The following DENND4C variants were observed in gnomAD, a reference collection of about 807,000 sequenced individuals.
DENND4C encodes DENN domain-containing protein 4C.
Under a neutral mutation model 203.0 loss-of-function variants are expected in DENND4C, and 108 were observed. The observed-to-expected ratio is 0.53, with a 90% CI of 0.46 to 0.62. The LOEUF is 0.62. DENND4C is among the 20% of genes least tolerant of loss of function. DENND4C has a pLI of 0.00. For missense variants in DENND4C, 2,481 were observed against 2,301.2 expected, an observed-to-expected ratio of 1.08 and a Z score of -1.60; for synonymous variants, 871 against 792.4, an observed-to-expected ratio of 1.10 and a Z score of -1.67.
At chr9:19,357,373 A>G in intron 27 of DENND4C, 1 of 494,746 alleles carries the variant, frequency 2.0e-6, no homozygotes, top group Non-Finnish European at 3.6e-6. Flanking sequence ...CTTTTACAAA[A>G]TGAACTTCTC....
chr9:19,329,795 A>C (rs1488494095), intron 16 of DENND4C, among the ~76,000 whole-genome samples: 4 of 152,220 alleles, frequency 2.6e-5, no homozygotes, highest in Non-Finnish European at 4.4e-5. Flanking sequence ...GGCTAATGTA[A>C]ATATACTTTA....
chr9:19,364,935 G>T (rs187213584), intron 30 of DENND4C, among the ~76,000 whole-genome samples: 1 of 152,150 alleles, frequency 6.6e-6, no homozygotes, highest in Admixed American at 6.5e-5. Context: ...TTTTGCCCAG[G>T]GGGAGAGGCA....
At chr9:19,355,454 A>G (rs1825183670) in intron 26 of DENND4C, among the ~76,000 whole-genome samples, 2 of 152,072 alleles carry the variant, frequency 1.3e-5, no homozygotes, top group African/African-American at 2.4e-5. Flanking sequence ...TCTTTATTCT[A>G]CTTTTTATAT....
At position 19,300,035 on chromosome 9, in the gene DENND4C, A is replaced by G. The variant is rs917951347; in HGVS notation, c.1167-152A>G. On this transcript the variant is annotated intron_variant, in intron 8 of 32. Transcript: ENST00000434457. ...ATGAGTTTAAATCACCCCGTTATCT[A>G]TCTTATTAAATTTGCTACTTTTCAT... The G allele has an allele frequency of 8.3e-6, 6 of 719,554 alleles. No individual in the cohort carries two copies. In the South Asian group the frequency reaches 9.9e-5, roughly 12 times the overall value. 44.6% of individuals were successfully genotyped at this position (719,554 alleles called of 1,614,324 possible).
chr9:19,331,193 C>T (rs1389339223), intron 16 of DENND4C, among the ~76,000 whole-genome samples: 1 of 150,560 alleles, frequency 6.6e-6, no homozygotes, highest in African/African-American at 2.4e-5. Context: ...ATGTTGACTG[C>T]AAAGGAATAG....
intron 1 of DENND4C, among the ~76,000 whole-genome samples, chr9:19,271,374 T>C (rs1016054452): frequency 6.6e-6 from 1 of 152,024 alleles, no homozygotes; most frequent in African/African-American, 2.4e-5. Context: ...TAATGTTTTG[T>C]ATTTTTAGTA....
chr9:19,237,778 T>A (rs1822399082), intron 1 of DENND4C, among the ~76,000 whole-genome samples: 2 of 152,062 alleles, frequency 1.3e-5, no homozygotes, highest in Admixed American at 1.3e-4. Context: ...CCTCTAGAAA[T>A]ATAATATAAA....
At chr9:19,282,908 A>T (rs568342318) in intron 2 of DENND4C, among the ~76,000 whole-genome samples, 1 of 151,246 alleles carries the variant, frequency 6.6e-6, no homozygotes, top group African/African-American at 2.4e-5. Flanking sequence ...CAGTAGAGAC[A>T]GGGTTTCACC....
At chr9:19,361,363 C>CT (rs756564172) in intron 29 of DENND4C, among the ~76,000 whole-genome samples, 36 of 152,208 alleles carry the variant, frequency 2.4e-4, no homozygotes, top group African/African-American at 8.2e-4. Flanking sequence ...AGCCCCAACT[C>CT]TACTTATACT....
At chr9:19,360,987 C>T (rs1826355349) in intron 29 of DENND4C, among the ~76,000 whole-genome samples, 1 of 152,152 alleles carries the variant, frequency 6.6e-6, no homozygotes, top group African/African-American at 2.4e-5. Flanking sequence ...GATTCTCCTG[C>T]CTCAGCCTCC....
At chr9:19,274,625 A>C (rs1250581345) in intron 1 of DENND4C, among the ~76,000 whole-genome samples, 1 of 152,074 alleles carries the variant, frequency 6.6e-6, no homozygotes. Context: ...GATTGTGGTA[A>C]TGGTTTTATT....
intron 12 of DENND4C, among the ~76,000 whole-genome samples, chr9:19,317,755 G>A (rs1459457399): frequency 6.6e-6 from 1 of 152,062 alleles, no homozygotes; most frequent in Non-Finnish European, 1.5e-5. Context: ...TTTAAAAATA[G>A]AACAAGTACT....
intron 32 of DENND4C, 100 bp downstream of exon 32, chr9:19,371,920 T>G: frequency 7.6e-7 from 1 of 1,315,536 alleles, no homozygotes; most frequent in East Asian, 2.3e-5. Flanking sequence ...ATTTAAAAGA[T>G]TTCTACTTCT....
chr9:19,356,609 ATTTT>A (rs887796304), intron 26 of DENND4C, among the ~76,000 whole-genome samples: 1 of 147,816 alleles, frequency 6.8e-6, no homozygotes, highest in East Asian at 2.0e-4. Flanking sequence ...GCAGCTCTTT[ATTTT>A]TTTTTTTAAC....
intron 2 of DENND4C, among the ~76,000 whole-genome samples, chr9:19,279,518 A>C (rs1379270918): frequency 1.3e-5 from 2 of 151,974 alleles, no homozygotes; most frequent in African/African-American, 2.4e-5. Flanking sequence ...TTACTAAAAA[A>C]ATACAAAAAT....
At chr9:19,340,802 A>G (rs1348457023) in intron 20 of DENND4C, among the ~76,000 whole-genome samples, 190 bp from the exon 21 acceptor site, 4 of 152,098 alleles carry the variant, frequency 2.6e-5, no homozygotes, top group Admixed American at 6.5e-5. Context: ...TTAGTCTTTG[A>G]TGTTCCTGTT....
intron 2 of DENND4C, among the ~76,000 whole-genome samples, chr9:19,283,972 T>C (rs1834697093): frequency 6.6e-6 from 1 of 152,226 alleles, no homozygotes; most frequent in African/African-American, 2.4e-5. Flanking sequence ...TCATTGGCTT[T>C]CAACTGATTT....
intron 1 of DENND4C, among the ~76,000 whole-genome samples, chr9:19,240,389 C>T (rs528287218): frequency 1.3e-5 from 2 of 152,198 alleles, no homozygotes; most frequent in East Asian, 3.9e-4. Context: ...GGCCGGGAAC[C>T]AGGCACAGTG....
At chr9:19,247,738 C>G (rs2131560103) in intron 1 of DENND4C, among the ~76,000 whole-genome samples, 1 of 152,288 alleles carries the variant, frequency 6.6e-6, no homozygotes, top group East Asian at 1.9e-4. Flanking sequence ...GTAGGCATGT[C>G]AATTTTAACT....
Sources: allele counts gnomAD v4.1 joint callset (sites outside exome capture counted in the v4.1 genomes callset), GRCh38; gene constraint gnomAD v4.1.1; transcripts MANE v1.5; gene names NCBI Gene and HGNC (gene_info 2026-07-23, HGNC 2026-07-21).